Variants in ADAMTS6 observed in about 807,000 individuals in gnomAD.
ADAMTS6 encodes ADAM metallopeptidase with thrombospondin type 1 motif 6, also known as A disintegrin and metalloproteinase with thrombospondin motifs 6.
Under a neutral mutation model 144.3 loss-of-function variants are expected in ADAMTS6, and 23 were observed. The observed-to-expected ratio is 0.16, with a 90% CI of 0.11 to 0.23. The LOEUF (loss-of-function observed/expected upper bound fraction) is 0.23. ADAMTS6 is among the 10% of genes least tolerant of loss of function. The pLI, the probability that ADAMTS6 is intolerant of heterozygous loss-of-function variation, is 1.00. For missense variants in ADAMTS6, 999 were observed against 1,379.6 expected, an observed-to-expected ratio of 0.72 and a Z score of 4.37; for synonymous variants, 444 against 457.5, an observed-to-expected ratio of 0.97 and a Z score of 0.38.
intron 24 of ADAMTS6, among the ~76,000 whole-genome samples, chr5:65,160,988 C>T (rs896813294): frequency 1.3e-5 from 2 of 150,692 alleles, no homozygotes; most frequent in Non-Finnish European, 3.0e-5. Flanking sequence ...CAAACCGTAA[C>T]AGACCACGTT....
At chr5:65,268,128 G>A (rs960702358) in intron 12 of ADAMTS6, among the ~76,000 whole-genome samples, 11 of 152,196 alleles carry the variant, frequency 7.2e-5, no homozygotes, top group African/African-American at 2.7e-4. Context: ...CAGTGCTTTA[G>A]AAGGGCATTT....
Position 65,197,071 on chromosome 5 carries a change from T to C in ADAMTS6, c.2656A>G (p.Lys886Glu), listed in dbSNP as rs373027644. Residue 886 changes from lysine to glutamate, a missense_variant, in exon 21 of 25, where the codon AAG (lysine) becomes GAG (glutamate). This residue lies in a region of ADAMTS6 where 619 missense variants were observed against 837.0 expected (regional missense o/e 0.74). Coordinates refer to ENST00000381055, the MANE Select transcript of ADAMTS6 (RefSeq NM_197941.4). ...VQNNYCDPDS[K>E]PPENQRACNT... Reference sequence around the variant, plus strand: ...CAGGCTCTTTGATTTTCAGGTGGCTTACTGTCAGGATCACAGTAATTGTTC... The same window carrying C: ...CAGGCTCTTTGATTTTCAGGTGGCTCACTGTCAGGATCACAGTAATTGTTC... The C allele has an allele frequency of 1.2e-6, 2 of 1,614,016 alleles. No homozygotes were observed. Among genetic ancestry groups the C allele is most frequent in the Non-Finnish European group, 1.7e-6 (2 of 1,179,970 alleles).
chr5:65,353,199 T>C (rs966694060), intron 7 of ADAMTS6, among the ~76,000 whole-genome samples: 5 of 152,030 alleles, frequency 3.3e-5, no homozygotes, highest in African/African-American at 1.2e-4. Flanking sequence ...CATGTAACAT[T>C]TCTACAATAT....
At chr5:65,360,596 TAAAA>T (rs546603342) in intron 7 of ADAMTS6, among the ~76,000 whole-genome samples, 1 of 144,886 alleles carries the variant, frequency 6.9e-6, no homozygotes, top group Admixed American at 6.9e-5. Flanking sequence ...TAATGAAGTG[TAAAA>T]AAAAAAAGTA....
chr5:65,194,457 C>T (rs553137404), intron 21 of ADAMTS6, among the ~76,000 whole-genome samples: 2 of 152,254 alleles, frequency 1.3e-5, no homozygotes, highest in East Asian at 1.9e-4. Flanking sequence ...AGCACATTTA[C>T]GGTGCACTGG....
intron 9 of ADAMTS6, among the ~76,000 whole-genome samples, chr5:65,327,462 T>G (rs150138335): frequency 7.9e-5 from 12 of 152,166 alleles, no homozygotes; most frequent in African/African-American, 2.9e-4. Context: ...CATTTTTAAA[T>G]GGAAGCATTT....
chr5:65,377,262 C>T (rs1751653630), intron 7 of ADAMTS6, among the ~76,000 whole-genome samples: 1 of 152,112 alleles, frequency 6.6e-6, no homozygotes, highest in Non-Finnish European at 1.5e-5. Context: ...AAGCATATGC[C>T]TTTGCCCATG....
At chr5:65,302,102 AAAAAAATAT>A (rs1276296227) in intron 9 of ADAMTS6, among the ~76,000 whole-genome samples, 13 of 94,036 alleles carry the variant, frequency 1.4e-4, no homozygotes, top group South Asian at 1.2e-3. Context: ...CAAAAAAAAA[AAAAAAATAT>A]ATATATATAT....
At chr5:65,351,807 CA>C (rs201374753) in intron 7 of ADAMTS6, among the ~76,000 whole-genome samples, 14 of 142,824 alleles carry the variant, frequency 9.8e-5, no homozygotes, top group African/African-American at 1.8e-4. Context: ...TCTTAAAAAA[CA>C]AAAAAAAAAG....
At chr5:65,196,879 A>C in intron 21 of ADAMTS6, 143 bp downstream of exon 21, 1 of 1,015,722 alleles carries the variant, frequency 9.8e-7, no homozygotes, top group Non-Finnish European at 1.4e-6. Flanking sequence ...AAGAGACATC[A>C]AAATTCCTCC....
chr5:65,275,737 C>T (rs12657341), intron 11 of ADAMTS6, among the ~76,000 whole-genome samples: 77,852 of 151,454 alleles, frequency 0.51, 20,070 homozygotes, highest in Admixed American at 0.54. Context: ...GTTTATATTC[C>T]TTAATATATT....
Position 65,446,539 on chromosome 5 carries a change from A to G in ADAMTS6, c.1073+4936T>C, listed in dbSNP as rs540811056. 5.3e-5 allele frequency among the ~76,000 whole-genome samples: 8 copies of G among 152,316 alleles called. 1 individual carries two copies. The South Asian group carries it at 6.2e-4, about 12-fold the overall frequency. On this transcript the variant is annotated intron_variant, in intron 7 of 24. Transcript: ENST00000381055. The stretch of plus-strand genomic sequence containing the variant: ...TAAATCCTGTGCTTTTCATTAATGA[A>G]AAACTGTACAAGTATAATAATTGAC...
intron 7 of ADAMTS6, among the ~76,000 whole-genome samples, chr5:65,434,365 T>C (rs1757223008): frequency 6.6e-6 from 1 of 152,194 alleles, no homozygotes. Context: ...ACCGTTGGAT[T>C]ATATTCAACT....
At chr5:65,269,836 G>A (rs895134753) in intron 12 of ADAMTS6, among the ~76,000 whole-genome samples, 1 of 147,602 alleles carries the variant, frequency 6.8e-6, no homozygotes, top group Non-Finnish European at 1.5e-5. Flanking sequence ...CTGTTGCCCA[G>A]GCTGGAGGGC....
At chr5:65,420,035 TG>T (rs1473721599) in intron 7 of ADAMTS6, among the ~76,000 whole-genome samples, 2 of 152,178 alleles carry the variant, frequency 1.3e-5, no homozygotes, top group South Asian at 2.1e-4. Context: ...TCAGCATGGC[TG>T]GGGAGGCCTC....
rs1182269480 is a variant in ADAMTS6 at position 65,164,182 on chromosome 5, C to T, written c.3244+6435G>A. ...CAGGCCAGTGGGTGCGCGCACCGTG[C>T]GCGAGCCGAAGCAGGGCGAGGCATT... On this transcript the variant is annotated intron_variant, in intron 24 of 24. Coordinates refer to ENST00000381055, the MANE Select transcript of ADAMTS6 (RefSeq NM_197941.4). Among the ~76,000 whole-genome samples, 11 of 151,800 alleles carry T rather than the reference C, an allele frequency of 7.2e-5. 1 individual carries two copies. The highest frequency in any genetic ancestry group is 6.2e-4 in the South Asian group (3 of 4,810).
intron 21 of ADAMTS6, among the ~76,000 whole-genome samples, chr5:65,196,045 A>G (rs1410885611): frequency 6.6e-6 from 1 of 152,208 alleles, no homozygotes. Flanking sequence ...ATTAAAATGA[A>G]TGGGCTCTCT....
At chr5:65,191,433 A>C (rs1267890610) in intron 21 of ADAMTS6, among the ~76,000 whole-genome samples, 2 of 152,156 alleles carry the variant, frequency 1.3e-5, no homozygotes, top group Admixed American at 1.3e-4. Context: ...AAAATGGCAG[A>C]GCATATGAAA....
chr5:65,401,593 G>T (rs775363141), intron 7 of ADAMTS6, among the ~76,000 whole-genome samples: 3 of 152,138 alleles, frequency 2.0e-5, no homozygotes, highest in Non-Finnish European at 4.4e-5. Context: ...TCTTACACTT[G>T]TCCACACAGA....
Sources: gnomAD v4.1 joint callset for allele counts (sites outside exome capture counted in the v4.1 genomes callset) on GRCh38, gnomAD v4.1.1 for gene constraint, gnomAD v4.1.1 regional missense constraint, MANE v1.5 for transcripts, NCBI Gene and HGNC (gene_info 2026-07-23, HGNC 2026-07-21) for gene names.